ASCC1: variants seen among roughly 807,000 people sequenced by gnomAD.
The protein encoded by ASCC1 is activating signal cointegrator 1 complex subunit 1, also known as ASC-1 complex subunit P50.
Under a neutral mutation model 46.6 loss-of-function variants are expected in ASCC1, and 35 were observed. The observed-to-expected ratio is 0.75, with a 90% CI of 0.57 to 0.99. The LOEUF is 0.99. ASCC1 is among the 50% of genes least tolerant of loss of function. The probability of loss-of-function intolerance (pLI) is 0.00; values close to 1 mark genes in which losing one functional copy is unlikely to be tolerated. For missense variants in ASCC1, 376 were observed against 428.7 expected, an observed-to-expected ratio of 0.88 and a Z score of 1.09; for synonymous variants, 143 against 146.6, an observed-to-expected ratio of 0.98 and a Z score of 0.18.
intron 2 of ASCC1, among the ~76,000 whole-genome samples, chr10:72,212,809 C>G (rs1287708464): frequency 1.3e-5 from 2 of 152,072 alleles, no homozygotes; most frequent in African/African-American, 4.8e-5. Flanking sequence ...GATCACATTA[C>G]TGCATTCCAG....
chr10:72,183,243 A>C (rs925283043), intron 5 of ASCC1, among the ~76,000 whole-genome samples: 2 of 152,124 alleles, frequency 1.3e-5, no homozygotes, highest in African/African-American at 2.4e-5. Flanking sequence ...GGGTTTCCCC[A>C]TGTTGGCCAG....
chr10:72,104,008 G>GT (rs1842080330), intron 9 of ASCC1, among the ~76,000 whole-genome samples: 1 of 152,152 alleles, frequency 6.6e-6, no homozygotes, highest in Non-Finnish European at 1.5e-5. Context: ...AAATTTGTAT[G>GT]TTTTTCTCTT....
intron 5 of ASCC1, among the ~76,000 whole-genome samples, chr10:72,167,408 C>G (rs750359430): frequency 1.4e-4 from 22 of 152,118 alleles, no homozygotes; most frequent in Non-Finnish European, 3.1e-4. Context: ...AAGGACAAAT[C>G]TAAAGAGACT....
chr10:72,145,758 G>A (rs1847552491), intron 7 of ASCC1, among the ~76,000 whole-genome samples: 1 of 152,014 alleles, frequency 6.6e-6, no homozygotes, highest in Admixed American at 6.6e-5. Flanking sequence ...TTCCCCACTT[G>A]TCTGTAAACT....
intron 5 of ASCC1, chr10:72,180,979 T>C (rs1852513136): frequency 6.0e-6 from 1 of 167,700 alleles, no homozygotes; most frequent in Admixed American, 5.9e-5. Flanking sequence ...TTTGCCTTTT[T>C]TTTTGGAGAC....
rs532815394 is a variant in ASCC1, at chr10:72,122,655, G to A, written c.957+5427C>T. 2.4e-3 allele frequency among the ~76,000 whole-genome samples: 368 copies of A among 151,808 alleles called. 3 individuals are homozygous for A. The highest frequency in any genetic ancestry group is 8.3e-3 in the African/African-American group (343 of 41,378). On this transcript the variant is annotated intron_variant, in intron 9 of 9. Transcript: ENST00000672957. ...TAGCCAGGCATGACAGTGCATGCCT[G>A]TAGTCTCAGCTACTTGGGAGGCTGA... is the stretch of plus-strand genomic sequence containing the variant.
intron 5 of ASCC1, among the ~76,000 whole-genome samples, chr10:72,176,557 C>T (rs557869212): frequency 6.6e-6 from 1 of 152,036 alleles, no homozygotes; most frequent in South Asian, 2.1e-4. Flanking sequence ...GTTGCCCAGG[C>T]TGGTTTCAAA....
intron 5 of ASCC1, among the ~76,000 whole-genome samples, chr10:72,196,279 C>CTT (rs573100323): frequency 0.011 from 1,469 of 136,386 alleles, 34 homozygotes; most frequent in African/African-American, 0.039. Flanking sequence ...TGTCTTAAAT[C>CTT]TTTTTTTTTT....
chr10:72,146,933 A>G (rs1193393338), intron 7 of ASCC1, among the ~76,000 whole-genome samples: 1 of 151,918 alleles, frequency 6.6e-6, no homozygotes, highest in African/African-American at 2.4e-5. Flanking sequence ...CTTTTCACAT[A>G]AAGAAAAAGA....
intron 9 of ASCC1, among the ~76,000 whole-genome samples, chr10:72,110,657 C>T (rs1344602338): frequency 2.6e-5 from 4 of 152,108 alleles, no homozygotes; most frequent in Admixed American, 1.3e-4. Context: ...CGTGGTGGCA[C>T]GTGCCTGTAA....
intron 8 of ASCC1, 60 bp downstream of exon 8, chr10:72,132,997 C>T (rs1322536310): frequency 9.9e-6 from 16 of 1,610,938 alleles, no homozygotes; most frequent in Non-Finnish European, 1.3e-5. Context: ...CTACCTAAAC[C>T]TCAGAGATGC....
intron 9 of ASCC1, among the ~76,000 whole-genome samples, chr10:72,118,485 T>C: frequency 6.7e-6 from 1 of 149,252 alleles, no homozygotes; most frequent in Non-Finnish European, 1.5e-5. Context: ...TCAAATGAAA[T>C]AATACACTTT....
chr10:72,207,607 G>A (rs907289646), intron 3 of ASCC1, among the ~76,000 whole-genome samples: 3 of 151,982 alleles, frequency 2.0e-5, no homozygotes, highest in African/African-American at 2.4e-5. Context: ...TGATTTAATC[G>A]GTCTGGGGTG....
chr10:72,177,087 A>G (rs879542214), intron 5 of ASCC1, among the ~76,000 whole-genome samples: 1 of 152,156 alleles, frequency 6.6e-6, no homozygotes, highest in African/African-American at 2.4e-5. Flanking sequence ...AATATGTCCT[A>G]TATGTTATAT....
rs768092093 is a variant in ASCC1 at position 72,196,901 on chromosome 10, G to A, written c.399C>T (p.Phe133=). Residue 133 remains phenylalanine, a synonymous_variant, in exon 5 of 10, where the codon TTC becomes TTT. Coordinates refer to ENST00000672957, the MANE Select transcript of ASCC1 (RefSeq NM_001198800.3). ...LLDTFRRKQP[F]THFLAFFLNE... ...TGAGGAAAAAGGCAAGGAAGTGAGTGAAGGGCTGCTTTCTTCGAAAAGTGT... is the reference window on the plus strand; with the variant it reads ...TGAGGAAAAAGGCAAGGAAGTGAGTAAAGGGCTGCTTTCTTCGAAAAGTGT... 1 of 1,613,632 alleles carries A rather than the reference G, an allele frequency of 6.2e-7. No homozygotes were observed.
At chr10:72,200,148 A>G (rs1012417564) in intron 4 of ASCC1, among the ~76,000 whole-genome samples, 3 of 152,140 alleles carry the variant, frequency 2.0e-5, no homozygotes, top group African/African-American at 7.2e-5. Flanking sequence ...TAAAATGGCT[A>G]GGGTCTCCAC....
intron 8 of ASCC1, 24 bp downstream of exon 8, chr10:72,133,033 G>A (rs1297286929): frequency 6.2e-7 from 1 of 1,613,944 alleles, no homozygotes; most frequent in Admixed American, 1.7e-5. Context: ...CACAAACTGT[G>A]CTATAGTTCT....
chr10:72,161,179 G>A (rs1319216465), intron 6 of ASCC1, among the ~76,000 whole-genome samples: 10 of 146,232 alleles, frequency 6.8e-5, no homozygotes, highest in Non-Finnish European at 1.0e-4. Context: ...CAGCCTGGGC[G>A]ACAGGAAAAA....
At chr10:72,203,957 A>C (rs1482468491) in intron 3 of ASCC1, among the ~76,000 whole-genome samples, 1 of 152,148 alleles carries the variant, frequency 6.6e-6, no homozygotes, top group Non-Finnish European at 1.5e-5. Flanking sequence ...GTCTCTAAAA[A>C]AATATTTTAG....
Sources: gnomAD v4.1 joint callset for allele counts (sites outside exome capture counted in the v4.1 genomes callset) on GRCh38, gnomAD v4.1.1 for gene constraint, MANE v1.5 for transcripts, NCBI Gene and HGNC (gene_info 2026-07-23, HGNC 2026-07-21) for gene names.